The following HTT variants were observed in gnomAD, a reference collection of about 807,000 sequenced individuals.
HTT encodes huntingtin.
A neutral mutation model predicts 362.3 loss-of-function variants in HTT; 104 were observed. The observed-to-expected ratio is 0.29, with a 90% CI of 0.24 to 0.34. The LOEUF is 0.34. Ranked by LOEUF, HTT falls within the 10% of genes least tolerant of loss-of-function variation. HTT has a pLI of 1.00. For synonymous variants in HTT, 1,577 were observed against 1,548.7 expected (o/e 1.02, Z -0.43); for missense variants, 3,301 against 3,928.6 (o/e 0.84, Z 4.27).
intron 2 of HTT, 54 bp downstream of exon 2, chr4:3,087,076 C>G (rs1331232318): frequency 7.6e-6 from 7 of 918,932 alleles, no homozygotes; most frequent in Non-Finnish European, 1.2e-5. Flanking sequence ...TATTTTCAGT[C>G]TTAATGGGCT....
At chr4:3,170,387 C>G (rs1486350189) in intron 29 of HTT, among the ~76,000 whole-genome samples, 1 of 152,058 alleles carries the variant, frequency 6.6e-6, no homozygotes, top group Non-Finnish European at 1.5e-5. Flanking sequence ...CCTAATGAAC[C>G]AGAAAGTTTG....
chr4:3,222,315 G>A lies in HTT; in HGVS notation c.7370-72G>A, dbSNP rs181709673. On this transcript the variant is annotated intron_variant, in intron 53 of 66. Coordinates refer to ENST00000355072, the MANE Select transcript of HTT (RefSeq NM_001388492.1). ...CTTCTCCAGGGGCCGTGCTGTGTCG[G>A]CGTAGCTGTCAGCTCTCCGTTACAG... 1.4e-5 allele frequency: 19 copies of A among 1,316,450 alleles called. No individual in the cohort carries two copies. In the African/African-American group the frequency reaches 2.5e-4, roughly 17 times the overall value. The allele number at this position is 1,316,450 out of a possible 1,614,324, so 81.5% of individuals were successfully genotyped here.
At chr4:3,100,467 G>A (rs578097507) in intron 3 of HTT, among the ~76,000 whole-genome samples, 47 of 152,268 alleles carry the variant, frequency 3.1e-4, no homozygotes, top group Admixed American at 5.2e-4. Context: ...TGGTCAGGAC[G>A]CTGGCTTCTC....
rs1414152437 is a variant in HTT at position 3,233,195 on chromosome 4, G to C, written c.8298G>C (p.Leu2766=). Residue 2766 remains leucine (L), a synonymous_variant, in exon 61 of 67, where the codon CTG becomes CTC. Transcript: ENST00000355072. ...CCGTGGCGGAGCCTGTCAGCCGCCT[G>C]CTGGAGAGCACGCTCAGGAGCAGCC... The part of the protein sequence containing the change: ...DKAVAEPVSR[L]LESTLRSSHL... 2.5e-6 allele frequency: 4 copies of C among 1,595,704 alleles called. 1 individual carries two copies. In the Admixed American group the frequency reaches 6.7e-5, roughly 27 times the overall value.
intron 1 of HTT, among the ~76,000 whole-genome samples, chr4:3,081,030 C>A (rs542751738): frequency 1.3e-4 from 20 of 152,282 alleles, no homozygotes; most frequent in African/African-American, 4.1e-4. Context: ...GTGAGTTCTC[C>A]AACTTTGTTC....
Position 3,238,598 on chromosome 4 carries a change from G to A in HTT, c.9043G>A (p.Val3015Met). 3 of 1,608,606 alleles carry A rather than the reference G, an allele frequency of 1.9e-6. No individual in the cohort carries two copies. The highest frequency in any genetic ancestry group is 1.7e-6 in the Non-Finnish European group (2 of 1,177,296). Residue 3015 changes from valine (V) to methionine (M), a missense_variant, in exon 65 of 67, where the codon GTG (valine) becomes ATG (methionine). Coordinates refer to ENST00000355072, the MANE Select transcript of HTT (RefSeq NM_001388492.1). ...QQPYPQFMAT[V>M]VYKVFQTLHS... Reference sequence around the variant, plus strand: ...GCCATACCCCCAGTTCATGGCCACCGTGGTGTATAAGGTGAGGTTGCATGT... The same window carrying A: ...GCCATACCCCCAGTTCATGGCCACCATGGTGTATAAGGTGAGGTTGCATGT...
At chr4:3,101,041 G>A (rs186752329) in intron 3 of HTT, among the ~76,000 whole-genome samples, 4 of 152,300 alleles carry the variant, frequency 2.6e-5, no homozygotes, top group Middle Eastern at 3.4e-3. Flanking sequence ...TGATGTTTCA[G>A]TTCTTGATAT....
intron 40 of HTT, among the ~76,000 whole-genome samples, 200 bp from the exon 41 acceptor site, chr4:3,199,532 C>A (rs1719428893): frequency 6.7e-6 from 1 of 148,712 alleles, no homozygotes; most frequent in Non-Finnish European, 1.5e-5. Flanking sequence ...AAGAGCAAAA[C>A]TCTATCTCAA....
chr4:3,107,453 G>T (rs753080117), intron 6 of HTT, 30 bp downstream of exon 6: 18 of 1,611,980 alleles, frequency 1.1e-5, no homozygotes, highest in Non-Finnish European at 1.5e-5. Context: ...TCACAAACAT[G>T]CGAGTGATGC....
intron 49 of HTT, chr4:3,212,993 T>C (rs1248146899): frequency 1.3e-5 from 5 of 375,282 alleles, no homozygotes; most frequent in Non-Finnish European, 1.5e-5. Context: ...AAAATAATCA[T>C]CTGGAAGTAC....
At chr4:3,154,216 T>C (rs1717034891) in intron 26 of HTT, 77 bp from the exon 27 acceptor site, 3 of 1,221,318 alleles carry the variant, frequency 2.5e-6, no homozygotes, top group East Asian at 2.5e-5. Flanking sequence ...AAACCAAATA[T>C]TCTAATTTTC....
intron 1 of HTT, among the ~76,000 whole-genome samples, chr4:3,081,333 T>C (rs532001823): frequency 2.6e-5 from 4 of 152,276 alleles, no homozygotes; most frequent in Middle Eastern, 3.4e-3. Flanking sequence ...ATAAGCAATA[T>C]GTATGAGTGT....
intron 14 of HTT, among the ~76,000 whole-genome samples, chr4:3,130,771 T>C (rs1405449804): frequency 6.6e-6 from 1 of 152,208 alleles, no homozygotes; most frequent in Admixed American, 6.5e-5. Context: ...TCTCTTCATA[T>C]TATCTTTTTA....
At chr4:3,148,846 A>G (rs1169814167) in intron 26 of HTT, among the ~76,000 whole-genome samples, 1 of 151,414 alleles carries the variant, frequency 6.6e-6, no homozygotes, top group Non-Finnish European at 1.5e-5. Flanking sequence ...AATCCCAGCT[A>G]CTTGGGAGGC....
At chr4:3,105,480 T>A in intron 5 of HTT, 44 bp downstream of exon 5, 1 of 1,239,018 alleles carries the variant, frequency 8.1e-7, no homozygotes. Flanking sequence ...GGGGGCCAGC[T>A]GCTACTGATC....
At chr4:3,126,104 G>A (rs1173317263) in intron 11 of HTT, among the ~76,000 whole-genome samples, 3 of 152,228 alleles carry the variant, frequency 2.0e-5, no homozygotes, top group Admixed American at 2.0e-4. Flanking sequence ...TGTCACTGGA[G>A]TGCAGTGGTG....
Position 3,135,947 on chromosome 4 carries a change from G to A in HTT, c.2677G>A (p.Gly893Arg), listed in dbSNP as rs363075. The change falls in exon 20 of 67, where the codon GGG becomes AGG. Residue 893 changes from glycine to arginine, a missense_variant. Around this residue, in one of 4 missense-constraint regions of HTT, gnomAD observed 2,316 missense variants for 2,658.5 expected, o/e 0.87. Transcript: ENST00000355072. ...LEAKAENLHR[G>R]AHHYTGLLKL... is the part of the protein sequence containing the mutation. The stretch of plus-strand genomic sequence containing the variant: ...GGCAAAAGCAGAAAACTTACACAGA[G>A]GGGCTCATCATTATACAGGGGTAAG... 84,273 of 1,603,158 alleles carry A rather than the reference G, an allele frequency of 0.053. 2,493 individuals carry two copies. The highest frequency in any genetic ancestry group is 0.062 in the Non-Finnish European group (72,467 of 1,175,902).
At chr4:3,167,195 C>T (rs552764532) in intron 29 of HTT, among the ~76,000 whole-genome samples, 18 of 152,326 alleles carry the variant, frequency 1.2e-4, no homozygotes, top group Non-Finnish European at 2.2e-4. Context: ...CCTCAGCCTC[C>T]GGAGTAGCTG....
chr4:3,203,980 T>C lies in HTT; in HGVS notation c.5577-27T>C, dbSNP rs763049621. Reference sequence around the variant, plus strand: ...TAAGCTCACTGCCATCCAGAAACATTGTCAATGCATCTGTTGCTCCTTCTA... The same window carrying C: ...TAAGCTCACTGCCATCCAGAAACATCGTCAATGCATCTGTTGCTCCTTCTA... On this transcript the variant is annotated intron_variant, in intron 41 of 66. Transcript: ENST00000355072. The C allele has an allele frequency of 1.9e-6, 3 of 1,610,258 alleles. No individual in the cohort carries two copies. The Admixed American group carries it at 5.0e-5, about 27-fold the overall frequency.
Sources: gnomAD v4.1 joint callset for allele counts (sites outside exome capture counted in the v4.1 genomes callset) on GRCh38, gnomAD v4.1.1 for gene constraint, gnomAD v4.1.1 regional missense constraint, MANE v1.5 for transcripts, NCBI Gene and HGNC (gene_info 2026-07-23, HGNC 2026-07-21) for gene names.